The following PDE4D variants were observed in gnomAD, a reference collection of about 807,000 sequenced individuals.
The protein encoded by PDE4D is phosphodiesterase 4D, also known as 3',5'-cyclic-AMP phosphodiesterase 4D.
Under a neutral mutation model 87.4 loss-of-function variants are expected in PDE4D, and 24 were observed. The ratio of observed to expected loss-of-function variants is 0.27; its 90% CI spans 0.20 to 0.39. The LOEUF (loss-of-function observed/expected upper bound fraction) is 0.39. PDE4D is among the 10% of genes least tolerant of loss of function. The pLI is 1.00. For missense variants in PDE4D, 714 were observed against 1,041.0 expected (o/e 0.69, Z 4.32); for synonymous variants, 384 against 383.2 (o/e 1.00, Z -0.02).
chr5:59,132,541 T>C (rs1776435213), intron 5 of PDE4D, among the ~76,000 whole-genome samples: 1 of 152,236 alleles, frequency 6.6e-6, no homozygotes. Context: ...ATATTTCAAA[T>C]TTAATTTTTT....
intron 11 of PDE4D, among the ~76,000 whole-genome samples, chr5:58,980,695 G>A (rs931363502): frequency 1.3e-5 from 2 of 152,042 alleles, no homozygotes; most frequent in Non-Finnish European, 2.9e-5. Context: ...TGGGGGGAAG[G>A]GTGGGCAGGT....
At chr5:59,630,109 T>G (rs1831377762) in intron 1 of PDE4D, among the ~76,000 whole-genome samples, 1 of 152,240 alleles carries the variant, frequency 6.6e-6, no homozygotes, top group Non-Finnish European at 1.5e-5. Flanking sequence ...CGTATTTGAT[T>G]GTTGAATCTA....
chr5:60,120,593 C>T (rs986207114), intron 2 of PDE4D, among the ~76,000 whole-genome samples: 1 of 152,198 alleles, frequency 6.6e-6, no homozygotes, highest in Non-Finnish European at 1.5e-5. Context: ...AGTCTTGTGT[C>T]AGGTGGGCAG....
intron 6 of PDE4D, among the ~76,000 whole-genome samples, chr5:59,030,758 TC>T (rs1757233399): frequency 6.6e-6 from 1 of 151,932 alleles, no homozygotes; most frequent in East Asian, 1.9e-4. Flanking sequence ...CAACAATATC[TC>T]TAATTCTCAG....
rs534109466 is a variant in PDE4D, at chr5:59,337,461, C to T, written c.456-121493G>A. ...CATTCTCCTGCGTCAGCCTAAGTTCCCCTTTTTAATAATGAAGGTCATAAA... is the reference window on the plus strand; with the variant it reads ...CATTCTCCTGCGTCAGCCTAAGTTCTCCTTTTTAATAATGAAGGTCATAAA... On this transcript the variant is annotated intron_variant, in intron 1 of 14. Transcript: ENST00000340635. Among the ~76,000 whole-genome samples, 4 of 151,650 alleles carry T rather than the reference C, an allele frequency of 2.6e-5. No homozygotes were observed. The South Asian group carries it at 6.3e-4, about 24-fold the overall frequency.
chr5:59,535,071 G>T (rs1408039152), intron 1 of PDE4D, among the ~76,000 whole-genome samples: 1 of 82,980 alleles, frequency 1.2e-5, no homozygotes, highest in African/African-American at 4.0e-5. Context: ...GTGTGTGTGT[G>T]TGTGTGGGGG....
intron 1 of PDE4D, among the ~76,000 whole-genome samples, chr5:60,371,554 G>T (rs1761032909): frequency 6.6e-6 from 1 of 152,060 alleles, no homozygotes. Flanking sequence ...TATAATATAT[G>T]CACAGAAAGT....
At position 58,977,402 on chromosome 5, in the gene PDE4D, G is replaced by A. The variant is rs975307627; in HGVS notation, c.1553-57C>T. On this transcript the variant is annotated intron_variant, in intron 11 of 14. Coordinates refer to ENST00000340635, the MANE Select transcript of PDE4D (RefSeq NM_001104631.2). ...AAAACTGTTTGTGAGAAGTTTATCT[G>A]ATTCTTAAAATTCTGGATTTAGGAT... 4 of 1,515,858 alleles carry A rather than the reference G, an allele frequency of 2.6e-6. No individual in the cohort carries two copies. In the African/African-American group the frequency reaches 4.2e-5, roughly 16 times the overall value. 93.9% of individuals were successfully genotyped at this position (1,515,858 alleles called of 1,614,324 possible).
rs114867597 is a variant in PDE4D, at chr5:59,313,154, G to A, written c.456-97186C>T. Among the ~76,000 whole-genome samples the A allele has an allele frequency of 7.3e-3, 1,110 of 152,246 alleles. 11 individuals carry two copies. Among genetic ancestry groups the A allele is most frequent in the Non-Finnish European group, 0.011 (715 of 68,030 alleles). ...CCAAGGGAAACTCTGGAAATGACAG[G>A]TAGTGCTATAAATATCCTTTTAAAT... is the stretch of plus-strand genomic sequence containing the variant. On this transcript the variant is annotated intron_variant, in intron 1 of 14. Transcript: ENST00000340635.
Position 58,970,896 on chromosome 5 carries a change from G to A in PDE4D, c.*3768C>T, listed in dbSNP as rs964340361. ...TGGGAAAGAATATATTTCCCCAGTT[G>A]TGTTTCCGAGTTAAAAAAAAAAAAA... On this transcript the variant is annotated 3_prime_UTR_variant, in exon 15 of 15. Coordinates refer to ENST00000340635, the MANE Select transcript of PDE4D (RefSeq NM_001104631.2). The A allele has an allele frequency of 4.1e-4, 59 of 144,942 alleles. No homozygotes were observed. The highest frequency in any genetic ancestry group is 1.6e-3 in the African/African-American group (59 of 37,764). 9.0% of individuals were successfully genotyped at this position (144,942 alleles called of 1,614,324 possible).
intron 1 of PDE4D, among the ~76,000 whole-genome samples, chr5:59,523,207 C>T (rs762004071): frequency 2.0e-5 from 3 of 152,138 alleles, no homozygotes; most frequent in Admixed American, 6.5e-5. Context: ...TGAAGGTACA[C>T]CTGCAAAAGC....
chr5:60,122,464 C>A (rs1345494952), intron 2 of PDE4D, among the ~76,000 whole-genome samples: 2 of 152,238 alleles, frequency 1.3e-5, no homozygotes, highest in African/African-American at 4.8e-5. Context: ...TTCTGTGCAT[C>A]TGCAGGCTGA....
intron 2 of PDE4D, among the ~76,000 whole-genome samples, chr5:60,079,591 T>C (rs1240110934): frequency 6.6e-6 from 1 of 152,238 alleles, no homozygotes; most frequent in Admixed American, 6.5e-5. Context: ...GTTTTCTGCA[T>C]TTGGCTAGCC....
At chr5:59,390,757 C>T (rs1788072897) in intron 1 of PDE4D, among the ~76,000 whole-genome samples, 2 of 151,940 alleles carry the variant, frequency 1.3e-5, no homozygotes, top group African/African-American at 2.4e-5. Flanking sequence ...TAAGAGGCGG[C>T]AAATAACATA....
At chr5:58,985,550 T>A (rs1327621257) in intron 11 of PDE4D, among the ~76,000 whole-genome samples, 1 of 152,184 alleles carries the variant, frequency 6.6e-6, no homozygotes, top group Admixed American at 6.5e-5. Context: ...CCTTAAGCTC[T>A]CAGTGCTTCC....
intron 1 of PDE4D, among the ~76,000 whole-genome samples, chr5:59,304,905 C>T (rs1215824499): frequency 6.6e-6 from 1 of 152,080 alleles, no homozygotes; most frequent in Non-Finnish European, 1.5e-5. Flanking sequence ...GTGATGCTGG[C>T]TTCATAGAAC....
intron 1 of PDE4D, among the ~76,000 whole-genome samples, chr5:59,430,925 T>C (rs561353014): frequency 6.6e-6 from 1 of 152,184 alleles, no homozygotes; most frequent in African/African-American, 2.4e-5. Flanking sequence ...TATAGATACT[T>C]AGAAAATGAG....
chr5:59,189,256 T>G (rs1443753128), intron 3 of PDE4D, among the ~76,000 whole-genome samples: 12 of 141,430 alleles, frequency 8.5e-5, no homozygotes, highest in African/African-American at 2.8e-4. Context: ...TTTTTTTGTT[T>G]TTTTTTTTTT....
chr5:59,465,725 G>A (rs1273892590), intron 1 of PDE4D, among the ~76,000 whole-genome samples: 1 of 152,150 alleles, frequency 6.6e-6, no homozygotes, highest in East Asian at 1.9e-4. Flanking sequence ...GTGATAGATG[G>A]ATTATCTACT....
Sources: gnomAD v4.1 joint callset for allele counts (sites outside exome capture counted in the v4.1 genomes callset) on GRCh38, gnomAD v4.1.1 for gene constraint, MANE v1.5 for transcripts, NCBI Gene and HGNC (gene_info 2026-07-23, HGNC 2026-07-21) for gene names.